PKIB: variants seen among roughly 807,000 people sequenced by gnomAD.
The protein encoded by PKIB is cAMP-dependent protein kinase inhibitor beta, also known as PKI-beta.
In PKIB, 2 loss-of-function variants were observed where a neutral mutation model predicts 4.5. That is an observed-to-expected ratio of 0.44 (90% CI 0.18 to 1.39). The LOEUF (loss-of-function observed/expected upper bound fraction) is 1.39, where lower values mean the gene tolerates loss of function less well. Ranked by LOEUF, PKIB falls within the 40% of genes most tolerant of loss-of-function variation. The pLI, the probability that PKIB is intolerant of heterozygous loss-of-function variation, is 0.27. For missense variants in PKIB, 94 were observed against 92.6 expected (o/e 1.02, Z -0.06); for synonymous variants, 38 against 36.0 (o/e 1.06, Z -0.20).
rs1180806242 is a variant in PKIB at position 122,725,850 on chromosome 6, A to G, written c.*655A>G. ...ATGCAAAATTTGTAACAAAATGGTT[A>G]TATGGAACATGCCTATTAAATGAAT... On this transcript the variant is annotated 3_prime_UTR_variant, in exon 5 of 5. Coordinates refer to ENST00000368452, the MANE Select transcript of PKIB (RefSeq NM_181795.3). The G allele has an allele frequency of 6.6e-6, 1 of 152,210 alleles. No homozygotes were observed. Among genetic ancestry groups the G allele is most frequent in the Non-Finnish European group, 1.5e-5 (1 of 68,086 alleles). The allele number at this position is 152,210 out of a possible 1,614,324, so 9.4% of individuals were successfully genotyped here. A position where few individuals can be genotyped will look rare whatever the true frequency, so the allele number is the denominator to read the frequency against.
At chr6:122,552,926 G>A (rs1772721756) in intron 2 of PKIB, among the ~76,000 whole-genome samples, 1 of 152,114 alleles carries the variant, frequency 6.6e-6, no homozygotes, top group Admixed American at 6.5e-5. Flanking sequence ...CTAGCTCATT[G>A]TAAAGAGTAG....
chr6:122,594,666 C>T (rs911565683), intron 3 of PKIB, among the ~76,000 whole-genome samples: 2 of 152,172 alleles, frequency 1.3e-5, no homozygotes, highest in Non-Finnish European at 2.9e-5. Flanking sequence ...ATTCCCTTTA[C>T]CTTCAGCAAG....
chr6:122,694,531 T>A (rs1017493315), intron 3 of PKIB, among the ~76,000 whole-genome samples: 3 of 152,324 alleles, frequency 2.0e-5, no homozygotes, highest in African/African-American at 7.2e-5. Flanking sequence ...CTGGCACAGG[T>A]GAGATAAAGT....
chr6:122,649,486 C>T (rs1776462765), intron 2 of PKIB, among the ~76,000 whole-genome samples: 2 of 152,114 alleles, frequency 1.3e-5, no homozygotes, highest in African/African-American at 4.8e-5. Context: ...TGGGAACTCC[C>T]CAGGAGACCC....
chr6:122,575,433 G>A (rs1215172141), intron 2 of PKIB, among the ~76,000 whole-genome samples: 9 of 151,812 alleles, frequency 5.9e-5, no homozygotes, highest in Admixed American at 5.9e-4. Context: ...TCAAAGGAAA[G>A]TAAGTCATTA....
At chr6:122,573,723 C>G (rs1003724585) in intron 2 of PKIB, among the ~76,000 whole-genome samples, 6 of 151,846 alleles carry the variant, frequency 4.0e-5, no homozygotes, top group Non-Finnish European at 7.4e-5. Context: ...ATGCAGCATC[C>G]CTTTGTGATA....
chr6:122,568,892 G>C (rs1773273846), intron 2 of PKIB, among the ~76,000 whole-genome samples: 1 of 152,046 alleles, frequency 6.6e-6, no homozygotes, highest in Non-Finnish European at 1.5e-5. Flanking sequence ...TCTGAGTTCT[G>C]TGTGCAGACT....
chr6:122,578,763 A>C (rs907213478), intron 2 of PKIB, among the ~76,000 whole-genome samples: 1 of 152,138 alleles, frequency 6.6e-6, no homozygotes, highest in Non-Finnish European at 1.5e-5. Context: ...CTCATCTTGA[A>C]TTGTAGTTCC....
chr6:122,473,005 G>A (rs1251944257), intron 1 of PKIB, among the ~76,000 whole-genome samples: 7 of 152,066 alleles, frequency 4.6e-5, no homozygotes, highest in Admixed American at 2.6e-4. Context: ...CCAGCTACTC[G>A]GGAGGCGAGG....
chr6:122,564,891 A>G (rs1474873363), intron 2 of PKIB, among the ~76,000 whole-genome samples: 1 of 152,142 alleles, frequency 6.6e-6, no homozygotes, highest in Non-Finnish European at 1.5e-5. Context: ...TCTCTGGAAG[A>G]AAAAATTTCT....
intron 2 of PKIB, among the ~76,000 whole-genome samples, chr6:122,523,796 A>T (rs1777018257): frequency 6.6e-6 from 1 of 151,874 alleles, no homozygotes; most frequent in South Asian, 2.1e-4. Flanking sequence ...AAAAAAAAAA[A>T]AGGATGTTCC....
intron 1 of PKIB, among the ~76,000 whole-genome samples, chr6:122,614,084 A>G (rs774700611): frequency 1.3e-5 from 2 of 152,094 alleles, no homozygotes; most frequent in Non-Finnish European, 2.9e-5. Context: ...TTATGTGCCC[A>G]GAGCAGAGTG....
chr6:122,677,886 CCTTCCTTT>C (rs57744998), intron 3 of PKIB, among the ~76,000 whole-genome samples: 11,382 of 59,354 alleles, frequency 0.19, 568 homozygotes, highest in South Asian at 0.34. Flanking sequence ...TTCCTTCCTT[CCTTCCTTT>C]CTTTCTTTCT....
chr6:122,562,531 A>G (rs1773066416), intron 2 of PKIB, among the ~76,000 whole-genome samples: 1 of 152,182 alleles, frequency 6.6e-6, no homozygotes, highest in South Asian at 2.1e-4. Context: ...GTCTTCCTCA[A>G]TTATTCCCCC....
chr6:122,688,777 C>G (rs1168219066), intron 3 of PKIB, among the ~76,000 whole-genome samples: 1 of 144,506 alleles, frequency 6.9e-6, no homozygotes, highest in African/African-American at 2.5e-5. Flanking sequence ...CACTAATGAG[C>G]CTTTCTTTTT....
chr6:122,684,419 C>A (rs1778016911), intron 3 of PKIB, among the ~76,000 whole-genome samples: 1 of 151,990 alleles, frequency 6.6e-6, no homozygotes, highest in South Asian at 2.1e-4. Context: ...ACCTAGCCCT[C>A]AATCTACCTT....
At chr6:122,487,884 A>G in intron 2 of PKIB, among the ~76,000 whole-genome samples, 1 of 152,154 alleles carries the variant, frequency 6.6e-6, no homozygotes, top group East Asian at 1.9e-4. Flanking sequence ...TCATTGTATT[A>G]ATACTGCATC....
intron 3 of PKIB, among the ~76,000 whole-genome samples, chr6:122,707,750 TATC>T (rs1235040684): frequency 2.4e-4 from 37 of 152,312 alleles, no homozygotes; most frequent in African/African-American, 7.9e-4. Context: ...ATCAAATAAA[TATC>T]ATCTAGCTTC....
intron 2 of PKIB, among the ~76,000 whole-genome samples, chr6:122,547,294 C>T (rs1040504518): frequency 4.0e-5 from 6 of 151,866 alleles, no homozygotes; most frequent in East Asian, 1.9e-4. Context: ...GGGGTGGAGG[C>T]GTAGGCAGAT....
Sources: allele counts gnomAD v4.1 joint callset (sites outside exome capture counted in the v4.1 genomes callset), GRCh38; gene constraint gnomAD v4.1.1; transcripts MANE v1.5; gene names NCBI Gene and HGNC (gene_info 2026-07-23, HGNC 2026-07-21).